WTIP: variants seen among roughly 807,000 people sequenced by gnomAD.
The protein encoded by WTIP is Wilms tumor protein 1-interacting protein.
WTIP carries 23 observed loss-of-function variants against 41.7 expected under a neutral mutation model. The observed-to-expected ratio is 0.55, with a 90% confidence interval of 0.40 to 0.78. The LOEUF (loss-of-function observed/expected upper bound fraction) is 0.78, where lower values mean the gene tolerates loss of function less well. Ranked by LOEUF, WTIP falls within the 30% of genes least tolerant of loss-of-function variation. The pLI is 0.00. For missense variants in WTIP, 619 were observed against 610.5 expected, an observed-to-expected ratio of 1.01 and a Z score of -0.15; for synonymous variants, 314 against 269.9, an observed-to-expected ratio of 1.16 and a Z score of -1.60.
chr19:34,486,583 G>A (rs376776207), intron 1 of WTIP, among the ~76,000 whole-genome samples: 4 of 152,084 alleles, frequency 2.6e-5, no homozygotes, highest in Non-Finnish European at 5.9e-5. Flanking sequence ...TAACCAGGAT[G>A]GTCTCATCTC....
rs2145616013 is a variant in WTIP, at chr19:34,504,112, A to G, written c.*3843A>G. On this transcript the variant is annotated 3_prime_UTR_variant, in exon 8 of 8. Transcript: ENST00000590071. ...TGAAAGGGATTGAATATTTCAGAAA[A>G]TGAATGAGAGAGATTGGGAGAGATG... is the stretch of plus-strand genomic sequence containing the variant. 1 of 152,162 alleles carries G rather than the reference A, an allele frequency of 6.6e-6. No individual in the cohort carries two copies. The highest frequency in any genetic ancestry group is 2.4e-5 in the African/African-American group (1 of 41,488). 9.4% of individuals were successfully genotyped at this position (152,162 alleles called of 1,614,324 possible).
Position 34,510,430 on chromosome 19 carries a change from C to A in WTIP, c.*10161C>A, listed in dbSNP as rs889552931. 6.6e-5 allele frequency: 10 copies of A among 152,318 alleles called. No individual in the cohort carries two copies. The highest frequency in any genetic ancestry group is 2.2e-4 in the African/African-American group (9 of 41,444). 9.4% of individuals were successfully genotyped at this position (152,318 alleles called of 1,614,324 possible). On this transcript the variant is annotated 3_prime_UTR_variant, in exon 8 of 8. Coordinates refer to ENST00000590071, the MANE Select transcript of WTIP (RefSeq NM_001080436.2). ...GTGGCTGGGACACAAGGCAGCAAGT[C>A]CTAGGCTGCACACAACATGGGGACT...
rs1404865370 is a variant in WTIP, at chr19:34,482,529, C to T, written c.555C>T (p.Leu185=). ...CGGCTCCCTTCCCGCTGCCTGCACT[C>T]CCGCTGCCCCCTGGCCGGGAGGGCG... ...AGPAPFPLPA[L]PLPPGREGGP... is the part of the protein sequence containing the mutation. Residue 185 remains leucine (L), a synonymous_variant, in exon 1 of 8, where the codon CTC becomes CTT. Coordinates refer to ENST00000590071, the MANE Select transcript of WTIP (RefSeq NM_001080436.2). The T allele has an allele frequency of 9.0e-6, 11 of 1,228,008 alleles. No individual in the cohort carries two copies. The highest frequency in any genetic ancestry group is 3.9e-5 in the South Asian group (1 of 25,592). 76.1% of individuals were successfully genotyped at this position (1,228,008 alleles called of 1,614,324 possible). A position where few individuals can be genotyped will look rare whatever the true frequency, so the allele number is the denominator to read the frequency against.
Position 34,493,297 on chromosome 19 carries a change from G to A in WTIP, c.872G>A (p.Ser291Asn), listed in dbSNP as rs2075835280. The A allele has an allele frequency of 4.3e-6, 7 of 1,613,492 alleles. No individual in the cohort carries two copies. The East Asian group carries it at 1.6e-4, about 36-fold the overall frequency. ...SGFQQTADKC[S>N]VCGHLIMEMI... is the part of the protein sequence containing the mutation. ...TTCCAGCAGACGGCCGACAAATGCAGCGTGTGTGGACATCTCATCATGGAA... is the reference window on the plus strand; with the variant it reads ...TTCCAGCAGACGGCCGACAAATGCAACGTGTGTGGACATCTCATCATGGAA... Residue 291 changes from serine to asparagine, a missense_variant, in exon 4 of 8, where the codon AGC becomes AAC. Ser to Asn is a conservative substitution (Grantham distance 46). Around this residue, in one of 3 missense-constraint regions of WTIP, gnomAD observed 164 missense variants for 219.1 expected, o/e 0.75. Transcript: ENST00000590071. This position sits in a 1 kb window ranked among gnomAD's most constrained non-coding sequence, Gnocchi z 4.1.
At chr19:34,488,060 A>G (rs1189474781) in intron 1 of WTIP, among the ~76,000 whole-genome samples, 1 of 150,306 alleles carries the variant, frequency 6.7e-6, no homozygotes, top group Admixed American at 6.7e-5. Context: ...AGCGACCCTC[A>G]TGTCTGTCTG....
At chr19:34,497,976 G>T (rs568417938) in intron 7 of WTIP, among the ~76,000 whole-genome samples, 21 of 152,292 alleles carry the variant, frequency 1.4e-4, no homozygotes, top group East Asian at 3.9e-4. Flanking sequence ...CTGTGCTGCC[G>T]CGAGGCTGTT....
Position 34,490,362 on chromosome 19 carries a change from C to G in WTIP, c.668-14C>G. 1 of 1,613,370 alleles carries G rather than the reference C, an allele frequency of 6.2e-7. No individual in the cohort carries two copies. Among genetic ancestry groups the G allele is most frequent in the South Asian group, 1.1e-5 (1 of 91,060 alleles). ...GGCGCTAACCCCTGCTCTCTCCTGCCTCTCCTCTCCTAGGCATTTGCATCA... is the reference window on the plus strand; with the variant it reads ...GGCGCTAACCCCTGCTCTCTCCTGCGTCTCCTCTCCTAGGCATTTGCATCA... On this transcript the variant is annotated splice_polypyrimidine_tract_variant and intron_variant, in intron 1 of 7. Coordinates refer to ENST00000590071, the MANE Select transcript of WTIP (RefSeq NM_001080436.2).
intron 7 of WTIP, among the ~76,000 whole-genome samples, chr19:34,496,846 G>T (rs888790315): frequency 1.3e-5 from 2 of 151,722 alleles, no homozygotes; most frequent in African/African-American, 4.8e-5. Flanking sequence ...GGTCACTGGC[G>T]TGTGGCGCTC....
At chr19:34,499,325 C>T (rs1456934175) in intron 7 of WTIP, among the ~76,000 whole-genome samples, 2 of 151,940 alleles carry the variant, frequency 1.3e-5, no homozygotes, top group African/African-American at 4.8e-5. Flanking sequence ...GCCTGAGCAA[C>T]ATGAAACCCC....
Position 34,481,904 on chromosome 19 carries a change from G to T in WTIP, c.-71G>T. The T allele has an allele frequency of 1.1e-6, 1 of 927,826 alleles. No homozygotes were observed. Among genetic ancestry groups the T allele is most frequent in the Non-Finnish European group, 1.3e-6 (1 of 778,674 alleles). The allele number at this position is 927,826 out of a possible 1,614,324, so 57.5% of individuals were successfully genotyped here. On this transcript the variant is annotated 5_prime_UTR_variant, in exon 1 of 8. An upstream start codon of the reference 5' UTR is lost. Coordinates refer to ENST00000590071, the MANE Select transcript of WTIP (RefSeq NM_001080436.2). ...GGGCTCCGGGCTTCGGGCGGACGATGCGGCGGCCCGGCCGGAGCGGCGGCG... is the reference window on the plus strand; with the variant it reads ...GGGCTCCGGGCTTCGGGCGGACGATTCGGCGGCCCGGCCGGAGCGGCGGCG...
intron 5 of WTIP, among the ~76,000 whole-genome samples, chr19:34,494,073 G>A (rs1352906753): frequency 2.6e-5 from 4 of 152,266 alleles, no homozygotes; most frequent in South Asian, 2.1e-4. Context: ...AGGGCCTTCC[G>A]TGGGATTGGA....
intron 5 of WTIP, among the ~76,000 whole-genome samples, chr19:34,494,221 T>C (rs2145603996): frequency 6.6e-6 from 1 of 152,026 alleles, no homozygotes; most frequent in East Asian, 1.9e-4. Flanking sequence ...GAAGGCATCC[T>C]GGAGGAGGTG....
At chr19:34,484,912 A>G (rs2075789846) in intron 1 of WTIP, among the ~76,000 whole-genome samples, 1 of 147,222 alleles carries the variant, frequency 6.8e-6, no homozygotes, top group African/African-American at 2.5e-5. Context: ...CCTGGATGAC[A>G]GAGTGAGATC....
intron 7 of WTIP, among the ~76,000 whole-genome samples, chr19:34,498,919 C>A (rs2075869979): frequency 6.8e-6 from 1 of 146,214 alleles, no homozygotes; most frequent in Non-Finnish European, 1.5e-5. Flanking sequence ...AAAACCCCAT[C>A]ACGTTTGGCT....
intron 1 of WTIP, among the ~76,000 whole-genome samples, chr19:34,487,263 G>T (rs1393051302): frequency 6.6e-6 from 1 of 151,828 alleles, no homozygotes; most frequent in South Asian, 2.1e-4. Context: ...CACCACGCCC[G>T]GCTAATTTTT....
chr19:34,499,656 T>A (rs955770303), intron 7 of WTIP, among the ~76,000 whole-genome samples: 42 of 151,820 alleles, frequency 2.8e-4, no homozygotes, highest in Non-Finnish European at 4.9e-4. Context: ...CAGTCTCCAG[T>A]GCTCCACGCC....
chr19:34,486,327 G>A (rs187906728), intron 1 of WTIP, among the ~76,000 whole-genome samples: 21 of 151,222 alleles, frequency 1.4e-4, no homozygotes, highest in Middle Eastern at 3.4e-3. Context: ...CACCACGCAG[G>A]TCTTCCTGTC....
chr19:34,493,710 C>A lies in WTIP; in HGVS notation c.1031+88C>A. On this transcript the variant is annotated intron_variant, in intron 5 of 7. Transcript: ENST00000590071. This position sits in a 1 kb window ranked among gnomAD's most constrained non-coding sequence, Gnocchi z 4.1. ...CATTTTTTTCCTGCTGGACTGACTG[C>A]CCTTTGTTCTTGGCCTTTTGCCTTC... The A allele has an allele frequency of 6.4e-7, 1 of 1,569,008 alleles. No individual in the cohort carries two copies. Among genetic ancestry groups the A allele is most frequent in the Non-Finnish European group, 8.7e-7 (1 of 1,152,326 alleles).
intron 1 of WTIP, among the ~76,000 whole-genome samples, chr19:34,485,381 C>T (rs2075792199): frequency 6.6e-6 from 1 of 152,172 alleles, no homozygotes. Context: ...CCATGCCCGG[C>T]CCACTTTCCT....
Sources: gnomAD v4.1 joint callset for allele counts (sites outside exome capture counted in the v4.1 genomes callset) on GRCh38, gnomAD v4.1.1 for gene constraint, gnomAD v4.1.1 regional missense constraint, Gnocchi (gnomAD v3.1) non-coding constraint, MANE v1.5 for transcripts, NCBI Gene and HGNC (gene_info 2026-07-23, HGNC 2026-07-21) for gene names.